The following RPS27A variants were observed in gnomAD, a reference collection of about 807,000 sequenced individuals.
RPS27A encodes the protein ubiquitin-ribosomal protein eS31 fusion protein.
RPS27A carries 1 observed loss-of-function variant against 18.9 expected under a neutral mutation model. The ratio of observed to expected loss-of-function variants is 0.05; its 90% CI spans 0.02 to 0.25. RPS27A has a LOEUF of 0.25. Among genes scored for constraint, RPS27A ranks in the 10% least tolerant of loss-of-function variants. The pLI is 1.00. For missense variants in RPS27A, 123 were observed against 187.4 expected, an observed-to-expected ratio of 0.66 and a Z score of 2.01; for synonymous variants, 77 against 63.7, an observed-to-expected ratio of 1.21 and a Z score of -0.99.
chr2:55,235,380 T>A, intron 5 of RPS27A, 48 bp from the exon 6 acceptor site: 1 of 1,604,832 alleles, frequency 6.2e-7, no homozygotes, highest in Non-Finnish European at 8.5e-7. Context: ...AAATTAGACT[T>A]CAGAATGTGT....
At position 55,234,733 on chromosome 2, in the gene RPS27A, T is replaced by C. The variant is rs547657947; in HGVS notation, c.190-98T>C. 21 of 1,380,530 alleles carry C rather than the reference T, an allele frequency of 1.5e-5. No homozygotes were observed. The African/African-American group carries it at 1.8e-4, about 12-fold the overall frequency. The allele number at this position is 1,380,530 out of a possible 1,614,324, so 85.5% of individuals were successfully genotyped here. On this transcript the variant is annotated intron_variant, in intron 4 of 5. Transcript: ENST00000272317. ...GGCTGCAAGATTCCCTCAAATGTTA[T>C]TGTGTGCTGCTACTGCTTTTAATTA...
chr2:55,234,675 C>A, intron 4 of RPS27A, 156 bp from the exon 5 acceptor site: 1 of 808,654 alleles, frequency 1.2e-6, no homozygotes, highest in South Asian at 1.5e-5. Flanking sequence ...TATAAACTGT[C>A]AGTTAAGAAT....
chr2:55,235,712 T>TGC lies in RPS27A; in HGVS notation c.*136_*137insCG. 1 of 1,027,800 alleles carries TGC rather than the reference T, an allele frequency of 9.7e-7. No individual in the cohort carries two copies. Among genetic ancestry groups the TGC allele is most frequent in the Non-Finnish European group, 1.5e-6 (1 of 680,598 alleles). 63.7% of individuals were successfully genotyped at this position (1,027,800 alleles called of 1,614,324 possible). A position where few individuals can be genotyped will look rare whatever the true frequency, so the allele number is the denominator to read the frequency against. ...AGTGCTACTGCTATCGCTGTGTGAA[T>TGC]GTTGCCTCTGGGGATTATGTGACCC... On this transcript the variant is annotated 3_prime_UTR_variant, in exon 6 of 6. Transcript: ENST00000272317.
chr2:55,234,903 C>G lies in RPS27A; in HGVS notation c.262C>G (p.Pro88Ala). The G allele has an allele frequency of 6.2e-7, 1 of 1,613,152 alleles. No individual in the cohort carries two copies. The stretch of plus-strand genomic sequence containing the variant: ...AAGGAAGAAGAAGTCTTACACCACT[C>G]CCAAGAAGAATAAGCACAAGAGAAA... ...KKRKKKSYTTPKKNKHKRKKV... is the reference protein window; with the variant it reads ...KKRKKKSYTTAKKNKHKRKKV... The change falls in exon 5 of 6, where the codon CCC (proline) becomes GCC (alanine). Residue 88 changes from proline (P) to alanine (A), a missense_variant. Physicochemically the swap from Pro to Ala is conservative, Grantham distance 27. Around this residue, in one of 2 missense-constraint regions of RPS27A, gnomAD observed 57 missense variants for 114.8 expected, o/e 0.50. Coordinates refer to ENST00000272317, the MANE Select transcript of RPS27A (RefSeq NM_002954.6).
In RPS27A at chr2:55,234,970, A is replaced by C; in HGVS notation, c.321+8A>C. 1.2e-6 allele frequency: 2 copies of C among 1,612,692 alleles called. No homozygotes were observed. The highest frequency in any genetic ancestry group is 1.7e-6 in the Non-Finnish European group (2 of 1,179,652). On this transcript the variant is annotated splice_region_variant and intron_variant, in intron 5 of 5. Transcript: ENST00000272317. ...GTCCTGAAATATTATAAGGTGAGCC[A>C]GTTAAAGGGCAGAATGTCAGCAAAG...
intron 2 of RPS27A, 105 bp from the exon 3 acceptor site, chr2:55,233,258 C>A (rs1273623988): frequency 1.0e-6 from 1 of 985,036 alleles, no homozygotes; most frequent in Non-Finnish European, 1.6e-6. Flanking sequence ...TCGAGTAGGT[C>A]TCAGCCCTGT....
chr2:55,234,697 T>A lies in RPS27A; in HGVS notation c.190-134T>A, dbSNP rs1244173723. The A allele has an allele frequency of 2.0e-5, 19 of 957,184 alleles. 1 individual carries two copies. In the East Asian group the frequency reaches 4.9e-4, roughly 25 times the overall value. 59.3% of individuals were successfully genotyped at this position (957,184 alleles called of 1,614,324 possible). A position where few individuals can be genotyped will look rare whatever the true frequency, so the allele number is the denominator to read the frequency against. ...TGTCAGTTAAGAATCTGATACTTTA[T>A]TGGGTTTGGGGGCTGCAAGATTCCC... On this transcript the variant is annotated intron_variant, in intron 4 of 5. Transcript: ENST00000272317.
chr2:55,234,270 CTTTTT>C (rs1412495604), intron 4 of RPS27A, 66 bp downstream of exon 4: 26 of 1,213,068 alleles, frequency 2.1e-5, no homozygotes, highest in East Asian at 1.7e-4. Flanking sequence ...TTTTATTTTA[CTTTTT>C]TTGAGACAGG....
intron 4 of RPS27A, chr2:55,234,607 A>G (rs1675698895): frequency 1.7e-6 from 1 of 596,376 alleles, no homozygotes; most frequent in East Asian, 2.9e-5. Flanking sequence ...TAGTTCTCCC[A>G]TTATGAATTT....
chr2:55,235,526 T>C lies in RPS27A; in HGVS notation c.420T>C (p.Tyr140=), dbSNP rs147381871. The change falls in exon 6 of 6, where the codon TAT becomes TAC. Residue 140 remains tyrosine, a synonymous_variant. Transcript: ENST00000272317. ...VFMASHFDRH[Y]CGKCCLTYCF... ...TGGCAAGTCACTTTGACAGACATTATTGTGGCAAATGTTGTCTGACTTACT... is the reference window on the plus strand; with the variant it reads ...TGGCAAGTCACTTTGACAGACATTACTGTGGCAAATGTTGTCTGACTTACT... 12 of 1,608,950 alleles carry C rather than the reference T, an allele frequency of 7.5e-6. No homozygotes were observed. The highest frequency in any genetic ancestry group is 2.7e-5 in the African/African-American group (2 of 74,990).
rs978420065 is a variant in RPS27A, at chr2:55,233,022, A to G, written c.48+150A>G. 2.3e-5 allele frequency: 17 copies of G among 753,204 alleles called. No homozygotes were observed. In the African/African-American group the frequency reaches 2.8e-4, roughly 12 times the overall value. The allele number at this position is 753,204 out of a possible 1,614,324, so 46.7% of individuals were successfully genotyped here. On this transcript the variant is annotated intron_variant, in intron 2 of 5. Coordinates refer to ENST00000272317, the MANE Select transcript of RPS27A (RefSeq NM_002954.6). ...TGAAATGAGTACCTTTTGCTGAGCA[A>G]CGACCTAGAGGTGATTTTCGGTGGC...
chr2:55,235,339 CAGTTAA>C, intron 5 of RPS27A, 83 bp from the exon 6 acceptor site: 1 of 1,432,488 alleles, frequency 7.0e-7, no homozygotes, highest in Non-Finnish European at 9.8e-7. Context: ...CAGTATTACA[CAGTTAA>C]AAGCTTAAAT....
intron 4 of RPS27A, 119 bp from the exon 5 acceptor site, chr2:55,234,712 G>C (rs1675704959): frequency 1.7e-6 from 2 of 1,183,826 alleles, no homozygotes; most frequent in Non-Finnish European, 2.5e-6. Context: ...TTTGGGGGCT[G>C]CAAGATTCCC....
In RPS27A at chr2:55,233,343, T is replaced by A; in HGVS notation, c.49-20T>A. On this transcript the variant is annotated intron_variant, in intron 2 of 5. Coordinates refer to ENST00000272317, the MANE Select transcript of RPS27A (RefSeq NM_002954.6). ...GTTCCTTAATGTGTAACCAACATGC[T>A]TTCACTTTAACACTCATAGGTTGAA... 6.2e-7 allele frequency: 1 copy of A among 1,604,132 alleles called. No individual in the cohort carries two copies. Among genetic ancestry groups the A allele is most frequent in the South Asian group, 1.1e-5 (1 of 90,886 alleles).
At chr2:55,233,231 G>A in intron 2 of RPS27A, 132 bp from the exon 3 acceptor site, 1 of 802,498 alleles carries the variant, frequency 1.2e-6, no homozygotes, top group Non-Finnish European at 2.1e-6. Flanking sequence ...TTGCCCACTG[G>A]GTGGGTAATA....
chr2:55,232,064 G>A (rs1675451434), upstream of RPS27A: 1 of 152,542 alleles, frequency 6.6e-6, no homozygotes, highest in Admixed American at 6.5e-5. Flanking sequence ...GGCCCAAGGA[G>A]CGTCTGGTAG....
rs1281745265 is a variant in RPS27A at position 55,234,933 on chromosome 2, G to C, written c.292G>C (p.Val98Leu). ...PKKNKHKRKK[V>L]KLAVLKYYKV... ...GAAGAATAAGCACAAGAGAAAGAAG[G>C]TTAAGCTGGCTGTCCTGAAATATTA... The change falls in exon 5 of 6, where the codon GTT becomes CTT. Residue 98 changes from valine to leucine, a missense_variant. Val to Leu is a conservative substitution (Grantham distance 32). Around this residue, in one of 2 missense-constraint regions of RPS27A, gnomAD observed 57 missense variants for 114.8 expected, o/e 0.50. Transcript: ENST00000272317. 6.2e-7 allele frequency: 1 copy of C among 1,613,204 alleles called. No homozygotes were observed. The highest frequency in any genetic ancestry group is 2.2e-5 in the East Asian group (1 of 44,872).
At chr2:55,233,493 C>T (rs1213332067) in intron 3 of RPS27A, 76 bp downstream of exon 3, 1 of 1,009,816 alleles carries the variant, frequency 9.9e-7, no homozygotes, top group Non-Finnish European at 1.6e-6. Context: ...GACATACCTG[C>T]TCTTGGTGAT....
chr2:55,232,226 C>CA (rs1199138203), upstream of RPS27A: 1 of 172,600 alleles, frequency 5.8e-6, no homozygotes, highest in Non-Finnish European at 1.3e-5. Context: ...ATCCTACCTC[C>CA]AGTCCTCACC....
Sources: gnomAD v4.1 joint callset for allele counts on GRCh38, gnomAD v4.1.1 for gene constraint, gnomAD v4.1.1 regional missense constraint, MANE v1.5 for transcripts, NCBI Gene and HGNC (gene_info 2026-07-23, HGNC 2026-07-21) for gene names.